ITGB6: variants seen among roughly 807,000 people sequenced by gnomAD.
ITGB6 encodes integrin subunit beta 6.
In ITGB6, 80 loss-of-function variants were observed where a neutral mutation model predicts 84.5. The ratio of observed to expected loss-of-function variants is 0.95; its 90% confidence interval spans 0.79 to 1.14. The LOEUF is 1.14. Among genes scored for constraint, ITGB6 ranks in the 50% most tolerant of loss-of-function variants. ITGB6 has a pLI of 0.00. For synonymous variants in ITGB6, 383 were observed against 354.9 expected, an observed-to-expected ratio of 1.08 and a Z score of -0.89; for missense variants, 1,006 against 968.0, an observed-to-expected ratio of 1.04 and a Z score of -0.52.
At position 160,200,069 on chromosome 2, in the gene ITGB6, T is replaced by G; in HGVS notation, c.-6A>C. 1 of 1,613,528 alleles carries G rather than the reference T, an allele frequency of 6.2e-7. No individual in the cohort carries two copies. The highest frequency in any genetic ancestry group is 8.5e-7 in the Non-Finnish European group (1 of 1,179,538). ...CAAAGCAGTTCAATCCCCATTCGTT[T>G]CAGTTCTTGCTGTGCAGACCGATTA... On this transcript the variant is annotated 5_prime_UTR_variant, in exon 1 of 15. Coordinates refer to ENST00000283249, the MANE Select transcript of ITGB6 (RefSeq NM_000888.5).
intron 13 of ITGB6, 75 bp downstream of exon 13, chr2:160,112,005 G>C: frequency 6.9e-7 from 1 of 1,458,922 alleles, no homozygotes; most frequent in Non-Finnish European, 9.4e-7. Context: ...ATGCTACCCA[G>C]AGCGATTTTC....
rs1559136858 is a variant in ITGB6 at position 160,137,574 on chromosome 2, T to A, written c.1520A>T (p.Asp507Val). ...ACCCCTTCCGCTGCAGGAGGGATGA[T>A]CTGGGGCCTCCTTGCAGGAATCTGT... is the stretch of plus-strand genomic sequence containing the variant. ...LSTDSCKEAP[D>V]HPSCSGRGDC... Residue 507 changes from aspartate (D) to valine (V), a missense_variant, in exon 10 of 15, where the codon GAT (aspartate) becomes GTT (valine). Transcript: ENST00000283249. 1 of 1,614,106 alleles carries A rather than the reference T, an allele frequency of 6.2e-7. No individual in the cohort carries two copies. Among genetic ancestry groups the A allele is most frequent in the Non-Finnish European group, 8.5e-7 (1 of 1,180,038 alleles).
intron 4 of ITGB6, among the ~76,000 whole-genome samples, chr2:160,174,923 C>A (rs902683707): frequency 6.6e-6 from 1 of 152,192 alleles, no homozygotes; most frequent in South Asian, 2.1e-4. Context: ...GAGCATCACC[C>A]GGCAAATTGT....
rs138757746 is a variant in ITGB6 at position 160,199,929 on chromosome 2, T to C, written c.61+74A>G. ...AGATCAAATAAAACATGACTTCAGA[T>C]CTAGTTTCTGAACCAAATGACAGGT... is the stretch of plus-strand genomic sequence containing the variant. On this transcript the variant is annotated intron_variant, in intron 1 of 14. Coordinates refer to ENST00000283249, the MANE Select transcript of ITGB6 (RefSeq NM_000888.5). 4 of 1,120,000 alleles carry C rather than the reference T, an allele frequency of 3.6e-6. No homozygotes were observed. In the East Asian group the frequency reaches 9.5e-5, roughly 27 times the overall value. 69.4% of individuals were successfully genotyped at this position (1,120,000 alleles called of 1,614,324 possible).
chr2:160,113,613 TCA>T (rs1166192959), intron 12 of ITGB6, among the ~76,000 whole-genome samples: 2 of 152,228 alleles, frequency 1.3e-5, no homozygotes. Context: ...GTCATCTAAG[TCA>T]CCTGGGAGTT....
At chr2:160,152,225 A>T (rs145054580) in intron 7 of ITGB6, among the ~76,000 whole-genome samples, 7,653 of 152,324 alleles carry the variant, frequency 0.05, 294 homozygotes, top group Non-Finnish European at 0.078. Context: ...CAAATCCAGC[A>T]GCACATCAAA....
chr2:160,177,102 A>T (rs115293685), intron 4 of ITGB6, among the ~76,000 whole-genome samples: 10,228 of 151,856 alleles, frequency 0.067, 364 homozygotes, highest in Non-Finnish European at 0.079. Context: ...TGTTTTTTTT[A>T]AAAAAAACTA....
At chr2:160,148,036 G>A (rs1684266487) in intron 7 of ITGB6, among the ~76,000 whole-genome samples, 1 of 152,034 alleles carries the variant, frequency 6.6e-6, no homozygotes, top group Non-Finnish European at 1.5e-5. Flanking sequence ...AACAAGTCAT[G>A]GACTGGAAGA....
At chr2:160,197,868 A>G (rs961806742) in intron 2 of ITGB6, among the ~76,000 whole-genome samples, 1 of 152,260 alleles carries the variant, frequency 6.6e-6, no homozygotes, top group African/African-American at 2.4e-5. Flanking sequence ...TGCCCTAAGC[A>G]GAAGCCTAAT....
At chr2:160,155,723 T>C (rs1684600154) in intron 7 of ITGB6, among the ~76,000 whole-genome samples, 1 of 152,190 alleles carries the variant, frequency 6.6e-6, no homozygotes, top group South Asian at 2.1e-4. Context: ...AGTACAAGCA[T>C]GTAACCAAGG....
chr2:160,195,018 G>A lies in ITGB6; in HGVS notation c.593+351C>T, dbSNP rs573386927. On this transcript the variant is annotated intron_variant, in intron 4 of 14. Transcript: ENST00000283249. ...TCTCAAATAACCTCAGAAAGTGGTG[G>A]CCACTGAGGCTAGAAAGTGTCTGAG... Among the ~76,000 whole-genome samples, 82 of 152,308 alleles carry A rather than the reference G, an allele frequency of 5.4e-4. 1 individual carries two copies. Among genetic ancestry groups the A allele is most frequent in the African/African-American group, 2.0e-3 (82 of 41,576 alleles).
At chr2:160,123,934 T>G in intron 11 of ITGB6, 46 bp from the exon 12 acceptor site, 1 of 1,398,472 alleles carries the variant, frequency 7.2e-7, no homozygotes, top group Non-Finnish European at 1.0e-6. Flanking sequence ...TGGTGGAAAA[T>G]AGATTTGCAG....
rs190410822 is a variant in ITGB6 at position 160,113,195 on chromosome 2, C to T, written c.1982-996G>A. ...CAGAACATTAAAACTGGGGCTGCCC[C>T]TGATAATCTTGGACATACTCCTACT... On this transcript the variant is annotated intron_variant, in intron 12 of 14. Coordinates refer to ENST00000283249, the MANE Select transcript of ITGB6 (RefSeq NM_000888.5). Among the ~76,000 whole-genome samples, 3 of 152,262 alleles carry T rather than the reference C, an allele frequency of 2.0e-5. No homozygotes were observed. The East Asian group carries it at 5.8e-4, about 29-fold the overall frequency.
intron 4 of ITGB6, among the ~76,000 whole-genome samples, chr2:160,188,884 G>A (rs963617475): frequency 8.6e-5 from 13 of 152,042 alleles, no homozygotes; most frequent in South Asian, 2.1e-4. Flanking sequence ...GATTGCAGGC[G>A]TGAGCCATCA....
chr2:160,125,470 C>G (rs1489846845), intron 11 of ITGB6, among the ~76,000 whole-genome samples: 2 of 152,156 alleles, frequency 1.3e-5, no homozygotes, highest in Non-Finnish European at 2.9e-5. Context: ...AGATCCTATT[C>G]AAATCATCCT....
At chr2:160,123,103 T>TA (rs1683104753) in intron 12 of ITGB6, among the ~76,000 whole-genome samples, 1 of 152,242 alleles carries the variant, frequency 6.6e-6, no homozygotes, top group Non-Finnish European at 1.5e-5. Context: ...TATTGCCAGT[T>TA]AAAAAACAAG....
chr2:160,156,323 T>G (rs927144342), intron 7 of ITGB6, among the ~76,000 whole-genome samples: 1 of 152,152 alleles, frequency 6.6e-6, no homozygotes, highest in African/African-American at 2.4e-5. Context: ...TGCCTCTTTC[T>G]ATGCCTCTCC....
chr2:160,177,103 A>T (rs549393294), intron 4 of ITGB6, among the ~76,000 whole-genome samples: 16 of 152,208 alleles, frequency 1.1e-4, no homozygotes, highest in Admixed American at 2.0e-4. Flanking sequence ...GTTTTTTTTA[A>T]AAAAAACTAT....
chr2:160,116,562 C>T (rs1376758193), intron 12 of ITGB6, among the ~76,000 whole-genome samples: 1 of 152,076 alleles, frequency 6.6e-6, no homozygotes, highest in Non-Finnish European at 1.5e-5. Context: ...CAAAAACATG[C>T]CAAAATGTAA....
Sources: allele counts gnomAD v4.1 joint callset (sites outside exome capture counted in the v4.1 genomes callset), GRCh38; gene constraint gnomAD v4.1.1; transcripts MANE v1.5; gene names NCBI Gene and HGNC (gene_info 2026-07-23, HGNC 2026-07-21).